RASA1: variants seen among roughly 807,000 people sequenced by gnomAD.
RASA1 encodes RAS p21 protein activator 1.
A neutral mutation model predicts 132.2 loss-of-function variants in RASA1; 25 were observed. That is an observed-to-expected ratio of 0.19 (90% CI 0.14 to 0.26). The LOEUF (loss-of-function observed/expected upper bound fraction) is 0.26. RASA1 is among the 10% of genes least tolerant of loss of function. RASA1 has a pLI of 1.00. For missense variants in RASA1, 964 were observed against 1,299.2 expected (o/e 0.74, Z 3.97); for synonymous variants, 477 against 449.9 (o/e 1.06, Z -0.76).
At chr5:87,347,733 T>A (rs557698238) in intron 7 of RASA1, among the ~76,000 whole-genome samples, 87 of 152,030 alleles carry the variant, frequency 5.7e-4, no homozygotes, top group Non-Finnish European at 1.5e-4. Flanking sequence ...AAAAAGATTA[T>A]GATAATGCTA....
chr5:87,329,728 C>T (rs1757475439), intron 1 of RASA1, among the ~76,000 whole-genome samples: 3 of 152,002 alleles, frequency 2.0e-5, no homozygotes, highest in Non-Finnish European at 2.9e-5. Flanking sequence ...TAAATCTGCT[C>T]TCTGGGATAG....
chr5:87,295,469 C>T (rs1755077896), intron 1 of RASA1, among the ~76,000 whole-genome samples: 1 of 150,636 alleles, frequency 6.6e-6, no homozygotes, highest in South Asian at 2.1e-4. Context: ...TCATTTTTCT[C>T]TCATTTTTGA....
chr5:87,304,752 G>A (rs1373361856), intron 1 of RASA1, among the ~76,000 whole-genome samples: 1 of 152,164 alleles, frequency 6.6e-6, no homozygotes, highest in African/African-American at 2.4e-5. Context: ...GTAGGCATTA[G>A]CCATCGTGCC....
chr5:87,362,385 A>C (rs1307529228), intron 9 of RASA1, among the ~76,000 whole-genome samples, 166 bp from the exon 10 acceptor site: 17 of 152,180 alleles, frequency 1.1e-4, no homozygotes, highest in Non-Finnish European at 4.4e-5. Context: ...AATTATAAGG[A>C]AGCATTTCTG....
intron 1 of RASA1, chr5:87,269,388 C>T (rs1180078484): frequency 4.4e-6 from 6 of 1,373,876 alleles, no homozygotes; most frequent in African/African-American, 1.4e-5. Flanking sequence ...TAGTGAGAAG[C>T]TTTGAATACA....
chr5:87,380,068 T>C (rs1055694808), intron 19 of RASA1, among the ~76,000 whole-genome samples: 3 of 152,186 alleles, frequency 2.0e-5, no homozygotes, highest in African/African-American at 4.8e-5. Flanking sequence ...GTTTGTACTG[T>C]AGTAGCTTGG....
At chr5:87,334,531 C>T (rs1175918115) in intron 4 of RASA1, among the ~76,000 whole-genome samples, 1 of 152,154 alleles carries the variant, frequency 6.6e-6, no homozygotes, top group Admixed American at 6.5e-5. Context: ...CATCACAGTC[C>T]ATGAGATCAG....
chr5:87,291,042 G>A (rs1754891357), intron 1 of RASA1, among the ~76,000 whole-genome samples: 1 of 152,184 alleles, frequency 6.6e-6, no homozygotes. Context: ...GTCTTCCATA[G>A]TGGCTGCACC....
intron 1 of RASA1, among the ~76,000 whole-genome samples, chr5:87,306,696 A>C (rs1755629966): frequency 2.6e-5 from 4 of 152,080 alleles, no homozygotes; most frequent in Admixed American, 2.6e-4. Context: ...TTTTAAGAAA[A>C]AAAGAAAAAT....
chr5:87,386,538 C>T (rs1762073915), intron 22 of RASA1, among the ~76,000 whole-genome samples: 1 of 151,884 alleles, frequency 6.6e-6, no homozygotes, highest in Admixed American at 6.6e-5. Context: ...TGCTTGGGTC[C>T]AGAATTTTCT....
chr5:87,309,686 C>G (rs1326415076), intron 1 of RASA1, among the ~76,000 whole-genome samples: 1 of 152,034 alleles, frequency 6.6e-6, no homozygotes, highest in East Asian at 1.9e-4. Flanking sequence ...TGTCAAATCT[C>G]AGTCTTTGTA....
At chr5:87,323,626 C>T (rs1323539752) in intron 1 of RASA1, among the ~76,000 whole-genome samples, 1 of 151,924 alleles carries the variant, frequency 6.6e-6, no homozygotes, top group Non-Finnish European at 1.5e-5. Context: ...ATATTCTTTC[C>T]ATTTTATTTG....
chr5:87,384,369 A>C (rs1761927501), intron 21 of RASA1, among the ~76,000 whole-genome samples: 1 of 152,172 alleles, frequency 6.6e-6, no homozygotes, highest in Admixed American at 6.5e-5. Flanking sequence ...AAAGGATAAC[A>C]GGGATATTTG....
intron 1 of RASA1, among the ~76,000 whole-genome samples, chr5:87,278,536 ACT>A (rs1372346572): frequency 1.3e-5 from 2 of 152,010 alleles, no homozygotes; most frequent in African/African-American, 2.4e-5. Context: ...ACAGAGCGAG[ACT>A]CTGTCTCAAA....
At chr5:87,355,457 T>C (rs1759581634) in intron 9 of RASA1, among the ~76,000 whole-genome samples, 1 of 152,202 alleles carries the variant, frequency 6.6e-6, no homozygotes, top group Non-Finnish European at 1.5e-5. Flanking sequence ...TTACTGAATA[T>C]TTTAAGGCCA....
At chr5:87,349,086 A>T in intron 7 of RASA1, 128 bp from the exon 8 acceptor site, 2 of 1,198,090 alleles carry the variant, frequency 1.7e-6, no homozygotes. Context: ...TATCTTAAAA[A>T]AAAAACAAGT....
chr5:87,336,599 T>C (rs552752620), intron 4 of RASA1, among the ~76,000 whole-genome samples: 1 of 152,252 alleles, frequency 6.6e-6, no homozygotes, highest in Non-Finnish European at 1.5e-5. Flanking sequence ...AACAAGCTTA[T>C]TTAAAACTTT....
chr5:87,378,092 TATC>T lies in RASA1; in HGVS notation c.2345-301_2345-299del, dbSNP rs1300101290. 3.9e-5 allele frequency among the ~76,000 whole-genome samples: 6 copies of T among 152,362 alleles called. No individual in the cohort carries two copies. In the East Asian group the frequency reaches 9.6e-4, roughly 24 times the overall value. ...CAAAGCTGATTTATGGTCCTAATTT[TATC>T]ATTAGCTGTCTAATTGATCTTAAGT... is the stretch of plus-strand genomic sequence containing the variant. On this transcript the variant is annotated intron_variant, in intron 17 of 24. Coordinates refer to ENST00000274376, the MANE Select transcript of RASA1 (RefSeq NM_002890.3).
At chr5:87,311,335 A>G (rs1229566896) in intron 1 of RASA1, among the ~76,000 whole-genome samples, 1 of 152,186 alleles carries the variant, frequency 6.6e-6, no homozygotes, top group Non-Finnish European at 1.5e-5. Context: ...GAGGCTTTGT[A>G]TCTACAACTG....
Sources: gnomAD v4.1 joint callset for allele counts (sites outside exome capture counted in the v4.1 genomes callset) on GRCh38, gnomAD v4.1.1 for gene constraint, MANE v1.5 for transcripts, NCBI Gene and HGNC (gene_info 2026-07-23, HGNC 2026-07-21) for gene names.